Variants in CYP4F8 observed in about 807,000 individuals in gnomAD.
CYP4F8 encodes the protein cytochrome P450 family 4 subfamily F member 8.
A neutral mutation model predicts 55.0 loss-of-function variants in CYP4F8; 56 were observed. The observed-to-expected ratio is 1.02, with a 90% CI of 0.82 to 1.27. The LOEUF is 1.27. Among genes scored for constraint, CYP4F8 ranks in the 50% most tolerant of loss-of-function variants. CYP4F8 has a pLI of 0.00. For missense variants in CYP4F8, 680 were observed against 682.4 expected (o/e 1.00, Z 0.04); for synonymous variants, 288 against 267.3 (o/e 1.08, Z -0.76).
Position 15,623,475 on chromosome 19 carries a change from A to G in CYP4F8, c.918+100A>G, listed in dbSNP as rs1972222074. On this transcript the variant is annotated intron_variant, in intron 7 of 12. Coordinates refer to ENST00000612078, the MANE Select transcript of CYP4F8 (RefSeq NM_007253.4). ...TTGATACAGAGGGCACTAAGGAGCCATGGAAGGTGCTCGAAGAAGGGAGGG... is the reference window on the plus strand; with the variant it reads ...TTGATACAGAGGGCACTAAGGAGCCGTGGAAGGTGCTCGAAGAAGGGAGGG... 7.2e-6 allele frequency: 11 copies of G among 1,529,626 alleles called. 1 individual carries two copies. In the South Asian group the frequency reaches 1.2e-4, roughly 17 times the overall value. 94.8% of individuals were successfully genotyped at this position (1,529,626 alleles called of 1,614,324 possible). A position where few individuals can be genotyped will look rare whatever the true frequency, so the allele number is the denominator to read the frequency against.
Position 15,628,608 on chromosome 19 carries a change from C to A in CYP4F8, c.1314+13C>A, listed in dbSNP as rs1972293943. ...GCCAGACCCTGAGGTGCTGCCCCTCCCTGTTTCTCCATCCCCCGGGCCTGG... is the reference window on the plus strand; with the variant it reads ...GCCAGACCCTGAGGTGCTGCCCCTCACTGTTTCTCCATCCCCCGGGCCTGG... On this transcript the variant is annotated intron_variant, in intron 11 of 12. Transcript: ENST00000612078. The A allele has an allele frequency of 6.2e-7, 1 of 1,612,830 alleles. No individual in the cohort carries two copies. Among genetic ancestry groups the A allele is most frequent in the Non-Finnish European group, 8.5e-7 (1 of 1,179,356 alleles).
chr19:15,615,562 C>A, intron 1 of CYP4F8, 54 bp from the exon 2 acceptor site: 2 of 1,582,386 alleles, frequency 1.3e-6, no homozygotes, highest in Non-Finnish European at 1.7e-6. Flanking sequence ...CTGGAGCTCC[C>A]CAGCCCCTTT....
intron 9 of CYP4F8, among the ~76,000 whole-genome samples, chr19:15,624,992 CTTTATT>C (rs1286238101): frequency 6.6e-6 from 1 of 151,738 alleles, no homozygotes; most frequent in Non-Finnish European, 1.5e-5. Context: ...TTGTCTTGGA[CTTTATT>C]TTTATTTTTG....
Position 15,615,551 on chromosome 19 carries a change from C to T in CYP4F8, c.-1-65C>T. 15 of 1,547,584 alleles carry T rather than the reference C, an allele frequency of 9.7e-6. No homozygotes were observed. The South Asian group carries it at 1.8e-4, about 18-fold the overall frequency. On this transcript the variant is annotated intron_variant, in intron 1 of 12. Transcript: ENST00000612078. ...TTAACCATGTTTACCCATCATTGGTCCTGGAGCTCCCCAGCCCCTTTCCTA... is the reference window on the plus strand; with the variant it reads ...TTAACCATGTTTACCCATCATTGGTTCTGGAGCTCCCCAGCCCCTTTCCTA...
chr19:15,624,281 G>A (rs545929696), intron 9 of CYP4F8, among the ~76,000 whole-genome samples, 187 bp downstream of exon 9: 22 of 152,290 alleles, frequency 1.4e-4, no homozygotes, highest in African/African-American at 5.1e-4. Context: ...GGACAGAATG[G>A]TCTGGGAGTC....
At chr19:15,621,060 G>A (rs1424545926) in intron 5 of CYP4F8, among the ~76,000 whole-genome samples, 2 of 152,148 alleles carry the variant, frequency 1.3e-5, no homozygotes, top group Non-Finnish European at 2.9e-5. Flanking sequence ...ATTCCCTGGG[G>A]TGATAAGGTG....
chr19:15,620,157 G>T (rs1972175664), intron 5 of CYP4F8, among the ~76,000 whole-genome samples: 1 of 152,200 alleles, frequency 6.6e-6, no homozygotes, highest in South Asian at 2.1e-4. Context: ...ATGTGGATAG[G>T]ATCCCTCATG....
At chr19:15,625,152 T>G (rs923915301) in intron 9 of CYP4F8, among the ~76,000 whole-genome samples, 30 of 151,790 alleles carry the variant, frequency 2.0e-4, no homozygotes, top group South Asian at 6.2e-4. Flanking sequence ...GGCTTATATA[T>G]TTTTAAAAGT....
At chr19:15,621,980 T>C (rs944469423) in intron 5 of CYP4F8, 3 of 431,698 alleles carry the variant, frequency 6.9e-6, no homozygotes, top group Non-Finnish European at 1.2e-5. Context: ...GGCTGTGAGT[T>C]GACCAAGGGT....
In CYP4F8 at chr19:15,628,611, G is replaced by C. The variant is rs1257009428; in HGVS notation, c.1314+16G>C. ...AGACCCTGAGGTGCTGCCCCTCCCTGTTTCTCCATCCCCCGGGCCTGGTCG... is the reference window on the plus strand; with the variant it reads ...AGACCCTGAGGTGCTGCCCCTCCCTCTTTCTCCATCCCCCGGGCCTGGTCG... On this transcript the variant is annotated intron_variant, in intron 11 of 12. Coordinates refer to ENST00000612078, the MANE Select transcript of CYP4F8 (RefSeq NM_007253.4). 2 of 1,612,588 alleles carry C rather than the reference G, an allele frequency of 1.2e-6. No homozygotes were observed. The highest frequency in any genetic ancestry group is 1.7e-5 in the Admixed American group (1 of 59,858).
rs374654594 is a variant in CYP4F8 at position 15,623,120 on chromosome 19, T to C, written c.663T>C (p.Tyr221=). 3.1e-6 allele frequency: 5 copies of C among 1,613,876 alleles called. No individual in the cohort carries two copies. The African/African-American group carries it at 5.3e-5, about 17-fold the overall frequency. The part of the protein sequence containing the change: ...DSNCQEKPSE[Y]ITAIMELSAL... Reference sequence around the variant, plus strand: ...GGCCCTGCAGGAAGCCCAGTGAATATATTACTGCGATCATGGAGCTCAGTG... The same window carrying C: ...GGCCCTGCAGGAAGCCCAGTGAATACATTACTGCGATCATGGAGCTCAGTG... Residue 221 remains tyrosine (Y), a synonymous_variant, in exon 7 of 13, where the codon TAT becomes TAC. Coordinates refer to ENST00000612078, the MANE Select transcript of CYP4F8 (RefSeq NM_007253.4).
At chr19:15,625,562 T>G (rs1324117591) in intron 9 of CYP4F8, among the ~76,000 whole-genome samples, 1 of 152,080 alleles carries the variant, frequency 6.6e-6, no homozygotes, top group East Asian at 1.9e-4. Context: ...ATGAGCAGCA[T>G]GAAGTCTACT....
Position 15,623,540 on chromosome 19 carries a change from T to TGCA in CYP4F8, c.919-159_919-158insGCA. ...TTTTAGAGGTGATTGCATAGAAAGC[T>TGCA]TCCTGGGAAGAACAAACAGGAGGTC... On this transcript the variant is annotated intron_variant, in intron 7 of 12. Transcript: ENST00000612078. 3.9e-6 allele frequency: 4 copies of TGCA among 1,017,550 alleles called. No homozygotes were observed. The South Asian group carries it at 5.5e-5, about 14-fold the overall frequency. 63.0% of individuals were successfully genotyped at this position (1,017,550 alleles called of 1,614,324 possible).
intron 5 of CYP4F8, 158 bp from the exon 6 acceptor site, chr19:15,622,061 C>A (rs1294100962): frequency 2.1e-6 from 2 of 930,932 alleles, no homozygotes; most frequent in Admixed American, 3.1e-5. Context: ...ATAGTAACAG[C>A]TTCCACTCTC....
intron 9 of CYP4F8, chr19:15,627,834 C>T (rs1014523798): frequency 2.5e-5 from 4 of 159,802 alleles, no homozygotes; most frequent in Middle Eastern, 3.1e-3. Context: ...TCTCGGCTCA[C>T]TGCAACCTCT....
At chr19:15,620,887 GA>G (rs987341492) in intron 5 of CYP4F8, among the ~76,000 whole-genome samples, 8 of 152,150 alleles carry the variant, frequency 5.3e-5, no homozygotes, top group African/African-American at 1.9e-4. Flanking sequence ...AAACGACTAG[GA>G]TTTTTTTTTC....
At chr19:15,625,519 C>T (rs1332890353) in intron 9 of CYP4F8, among the ~76,000 whole-genome samples, 1 of 150,972 alleles carries the variant, frequency 6.6e-6, no homozygotes, top group Admixed American at 6.6e-5. Flanking sequence ...TATTTGTTGC[C>T]TTCATTTTGT....
chr19:15,624,457 A>G (rs1972237674), intron 9 of CYP4F8, among the ~76,000 whole-genome samples: 1 of 152,196 alleles, frequency 6.6e-6, no homozygotes, highest in African/African-American at 2.4e-5. Flanking sequence ...CCAATCTAAT[A>G]TTATGATTTA....
chr19:15,618,881 C>T (rs564596400), intron 3 of CYP4F8: 1 of 172,904 alleles, frequency 5.8e-6, no homozygotes, highest in Admixed American at 5.4e-5. Flanking sequence ...GGAGCCGTAC[C>T]CTTGCCCTCT....
Sources: gnomAD v4.1 joint callset for allele counts (sites outside exome capture counted in the v4.1 genomes callset) on GRCh38, gnomAD v4.1.1 for gene constraint, MANE v1.5 for transcripts, NCBI Gene and HGNC (gene_info 2026-07-23, HGNC 2026-07-21) for gene names.